Variants in PKP4 observed in about 807,000 individuals in gnomAD.
PKP4 encodes plakophilin 4.
In PKP4, 90 loss-of-function variants were observed where a neutral mutation model predicts 145.1. The observed-to-expected ratio is 0.62, with a 90% CI of 0.52 to 0.74. The LOEUF (loss-of-function observed/expected upper bound fraction) is 0.74, where lower values mean the gene tolerates loss of function less well. PKP4 is among the 30% of genes least tolerant of loss of function. The pLI, the probability that PKP4 is intolerant of heterozygous loss-of-function variation, is 0.00. For missense variants in PKP4, 1,340 were observed against 1,482.7 expected (o/e 0.90, Z 1.58); for synonymous variants, 563 against 577.2 (o/e 0.98, Z 0.35).
chr2:158,462,919 A>G (rs185463329), intron 1 of PKP4, among the ~76,000 whole-genome samples: 71 of 152,344 alleles, frequency 4.7e-4, no homozygotes, highest in Non-Finnish European at 8.5e-4. Flanking sequence ...GCCAGCGCTT[A>G]ATACATTGAA....
rs1231008790 is a variant in PKP4, at chr2:158,680,670, G to A, written c.3572G>A (p.Trp1191Ter). 6.2e-7 allele frequency: 1 copy of A among 1,610,608 alleles called. No individual in the cohort carries two copies. Among genetic ancestry groups the A allele is most frequent in the East Asian group, 2.2e-5 (1 of 44,820 alleles). ...CAGTACCCAGGGTCCCCAGACTCAT[G>A]GGTGTAGCATCAAGATGCCCAACAG... Reference protein sequence around the residue: ...AEQYPGSPDSWV With the variant: ...AEQYPGSPDS The change falls in exon 22 of 22, where the codon TGG (tryptophan) becomes TAG (stop). Residue 1191 changes from tryptophan (W) to a stop codon, truncating the protein, a stop_gained. Transcript: ENST00000389759. LOFTEE classifies it high-confidence loss of function.
chr2:158,468,107 A>G (rs1474630751), intron 1 of PKP4, among the ~76,000 whole-genome samples: 2 of 152,232 alleles, frequency 1.3e-5, no homozygotes, highest in African/African-American at 4.8e-5. Flanking sequence ...GTTTAGCATA[A>G]GTATACTTTT....
At chr2:158,546,012 G>A (rs1333959502) in intron 2 of PKP4, among the ~76,000 whole-genome samples, 1 of 152,066 alleles carries the variant, frequency 6.6e-6, no homozygotes, top group African/African-American at 2.4e-5. Flanking sequence ...GATTAAATTG[G>A]TATCTCTTTA....
chr2:158,457,474 C>T (rs1688962143), intron 1 of PKP4: 1 of 152,480 alleles, frequency 6.6e-6, no homozygotes, highest in Non-Finnish European at 1.5e-5. Flanking sequence ...CCGGCGATTC[C>T]TCTCCCCGGT....
At chr2:158,506,200 A>G (rs187923165) in intron 1 of PKP4, among the ~76,000 whole-genome samples, 28 of 152,300 alleles carry the variant, frequency 1.8e-4, no homozygotes, top group African/African-American at 6.3e-4. Context: ...TTGAGCCTCC[A>G]GTCACCTTGC....
At chr2:158,461,816 C>G (rs1198701908) in intron 1 of PKP4, among the ~76,000 whole-genome samples, 1 of 152,096 alleles carries the variant, frequency 6.6e-6, no homozygotes, top group Non-Finnish European at 1.5e-5. Flanking sequence ...TACACTGCCC[C>G]CACCACCCTG....
intron 11 of PKP4, among the ~76,000 whole-genome samples, chr2:158,653,090 T>A (rs187979777): frequency 2.0e-5 from 3 of 152,222 alleles, no homozygotes; most frequent in Admixed American, 2.0e-4. Flanking sequence ...CTACAAACAC[T>A]TGGGCTCTTT....
chr2:158,613,390 A>T (rs2051310753), intron 4 of PKP4, among the ~76,000 whole-genome samples: 1 of 152,214 alleles, frequency 6.6e-6, no homozygotes, highest in Admixed American at 6.5e-5. Context: ...AAATTAGAAA[A>T]ATCACTAGTT....
At chr2:158,572,667 T>G (rs974888598) in intron 2 of PKP4, among the ~76,000 whole-genome samples, 3 of 152,198 alleles carry the variant, frequency 2.0e-5, no homozygotes, top group African/African-American at 7.2e-5. Flanking sequence ...GCCTGGGTGC[T>G]GGCAGGAGGA....
intron 2 of PKP4, among the ~76,000 whole-genome samples, chr2:158,536,815 A>C (rs1173604662): frequency 3.9e-5 from 6 of 152,188 alleles, no homozygotes; most frequent in African/African-American, 9.7e-5. Context: ...CTTGTGTTCA[A>C]ACGCTGCGTT....
In PKP4 at chr2:158,671,718, C is replaced by T. The variant is rs1224592876; in HGVS notation, c.2924+1803C>T. ...TGACAGCCCCACCCGAGGTAGCTTA[C>T]GTTCCATGGGTGAGGTAGACGCAGA... On this transcript the variant is annotated intron_variant, in intron 17 of 21. Transcript: ENST00000389759. Among the ~76,000 whole-genome samples the T allele has an allele frequency of 7.2e-5, 11 of 152,216 alleles. No individual in the cohort carries two copies. In the South Asian group the frequency reaches 1.0e-3, roughly 14 times the overall value.
intron 1 of PKP4, among the ~76,000 whole-genome samples, chr2:158,474,262 G>A (rs940635456): frequency 6.6e-6 from 1 of 152,200 alleles, no homozygotes; most frequent in Non-Finnish European, 1.5e-5. Context: ...TGCCACATAG[G>A]TGAAAACAAT....
intron 3 of PKP4, among the ~76,000 whole-genome samples, chr2:158,577,890 A>G (rs1361729505): frequency 6.6e-6 from 1 of 152,248 alleles, no homozygotes; most frequent in African/African-American, 2.4e-5. Flanking sequence ...TGAGTGCATT[A>G]CTGTAAAAAC....
intron 6 of PKP4, 64 bp from the exon 7 acceptor site, chr2:158,624,814 T>C (rs1207809039): frequency 7.7e-7 from 1 of 1,304,594 alleles, no homozygotes; most frequent in African/African-American, 1.5e-5. Flanking sequence ...GTATTTCTTT[T>C]GTAATGGCAA....
chr2:158,518,807 C>T lies in PKP4; in HGVS notation c.-5-14373C>T, dbSNP rs541445955. On this transcript the variant is annotated intron_variant, in intron 1 of 21. Transcript: ENST00000389759. The stretch of plus-strand genomic sequence containing the variant: ...TCATATTTGAATCATAATTTTTGGT[C>T]AGTACTTGGAAGCTATTGATAAATC... 4.6e-5 allele frequency among the ~76,000 whole-genome samples: 7 copies of T among 152,270 alleles called. No individual in the cohort carries two copies. In the South Asian group the frequency reaches 1.0e-3, roughly 23 times the overall value.
chr2:158,652,057 A>C (rs1056513381), intron 11 of PKP4, among the ~76,000 whole-genome samples: 1 of 152,146 alleles, frequency 6.6e-6, no homozygotes, highest in African/African-American at 2.4e-5. Flanking sequence ...GAATAATATG[A>C]GCTGCATATT....
intron 4 of PKP4, among the ~76,000 whole-genome samples, chr2:158,612,595 C>T (rs1206467629): frequency 1.3e-5 from 2 of 152,250 alleles, no homozygotes; most frequent in Non-Finnish European, 2.9e-5. Context: ...CTACTGATAG[C>T]ACCTGGTAGT....
chr2:158,602,714 C>A (rs1369991567), intron 3 of PKP4, among the ~76,000 whole-genome samples: 1 of 152,046 alleles, frequency 6.6e-6, no homozygotes, highest in Non-Finnish European at 1.5e-5. Flanking sequence ...TGTTTAACAG[C>A]CTTTTTGGTT....
chr2:158,567,967 G>A (rs1042707017), intron 2 of PKP4, among the ~76,000 whole-genome samples: 2 of 152,214 alleles, frequency 1.3e-5, no homozygotes, highest in African/African-American at 4.8e-5. Flanking sequence ...CTGAATGAAA[G>A]AGGGATGGTG....
Sources: allele counts gnomAD v4.1 joint callset (sites outside exome capture counted in the v4.1 genomes callset), GRCh38; gene constraint gnomAD v4.1.1; transcripts MANE v1.5; gene names NCBI Gene and HGNC (gene_info 2026-07-23, HGNC 2026-07-21).